Variants in GALNTL6 observed in about 807,000 individuals in gnomAD.
GALNTL6 encodes polypeptide N-acetylgalactosaminyltransferase like 6.
In GALNTL6, 46 loss-of-function variants were observed where a neutral mutation model predicts 73.7. The observed-to-expected ratio is 0.62, with a 90% CI of 0.49 to 0.80. GALNTL6 has a LOEUF of 0.80. Ranked by LOEUF, GALNTL6 falls within the 30% of genes least tolerant of loss-of-function variation. The pLI is 0.00. For synonymous variants in GALNTL6, 259 were observed against 263.7 expected, an observed-to-expected ratio of 0.98 and a Z score of 0.17; for missense variants, 604 against 755.0, an observed-to-expected ratio of 0.80 and a Z score of 2.34.
At chr4:172,992,107 A>G (rs903487167) in intron 10 of GALNTL6, among the ~76,000 whole-genome samples, 1 of 152,202 alleles carries the variant, frequency 6.6e-6, no homozygotes, top group South Asian at 2.1e-4. Context: ...TGCCAATAGC[A>G]TACAACTCCT....
At chr4:172,323,627 T>C (rs1228777028) in intron 4 of GALNTL6, among the ~76,000 whole-genome samples, 3 of 152,128 alleles carry the variant, frequency 2.0e-5, no homozygotes. Context: ...TCAGATCCTT[T>C]ATATCGATTT....
At chr4:172,964,439 G>A (rs992836530) in intron 10 of GALNTL6, among the ~76,000 whole-genome samples, 1 of 152,102 alleles carries the variant, frequency 6.6e-6, no homozygotes, top group African/African-American at 2.4e-5. Flanking sequence ...GTGCCAATCT[G>A]GGTACATCCA....
At chr4:172,958,246 C>G (rs570280044) in intron 10 of GALNTL6, among the ~76,000 whole-genome samples, 2 of 152,282 alleles carry the variant, frequency 1.3e-5, no homozygotes, top group South Asian at 4.1e-4. Context: ...AGCCGCTGCA[C>G]GCAGACTTGA....
chr4:172,342,461 T>C (rs1268805617), intron 4 of GALNTL6, among the ~76,000 whole-genome samples: 3 of 152,146 alleles, frequency 2.0e-5, no homozygotes, highest in Non-Finnish European at 4.4e-5. Context: ...ATTGTATCAC[T>C]TTTTTACCCA....
chr4:172,037,977 G>A (rs1006872663), intron 2 of GALNTL6, among the ~76,000 whole-genome samples: 2 of 152,136 alleles, frequency 1.3e-5, no homozygotes, highest in African/African-American at 2.4e-5. Flanking sequence ...AAATTAGCTG[G>A]GAGTGGTGGC....
intron 5 of GALNTL6, among the ~76,000 whole-genome samples, chr4:172,437,114 C>G (rs1451167397): frequency 6.6e-6 from 1 of 152,110 alleles, no homozygotes; most frequent in Admixed American, 6.6e-5. Flanking sequence ...CCTTTCCAGT[C>G]AATATAACTC....
chr4:172,117,444 TAAAAC>T (rs1733018199), intron 2 of GALNTL6, among the ~76,000 whole-genome samples: 1 of 152,200 alleles, frequency 6.6e-6, no homozygotes, highest in Non-Finnish European at 1.5e-5. Flanking sequence ...ATTTAATACT[TAAAAC>T]TAACTCTTCC....
At chr4:171,947,516 G>A (rs1007034073) in intron 2 of GALNTL6, among the ~76,000 whole-genome samples, 1 of 152,140 alleles carries the variant, frequency 6.6e-6, no homozygotes, top group African/African-American at 2.4e-5. Flanking sequence ...GGACTTGAAT[G>A]TTTTCACCAC....
intron 5 of GALNTL6, among the ~76,000 whole-genome samples, chr4:172,483,165 G>T (rs1263109887): frequency 6.6e-6 from 1 of 152,136 alleles, no homozygotes; most frequent in Non-Finnish European, 1.5e-5. Context: ...CTGGGGATTT[G>T]TGGGTTTTTT....
intron 2 of GALNTL6, among the ~76,000 whole-genome samples, chr4:172,174,998 A>G (rs141742481): frequency 0.015 from 2,242 of 152,314 alleles, 30 homozygotes; most frequent in Non-Finnish European, 0.022. Flanking sequence ...ATTTGCATAT[A>G]CTTAACATGC....
intron 8 of GALNTL6, among the ~76,000 whole-genome samples, chr4:172,919,869 T>A (rs537061893): frequency 2.6e-4 from 40 of 152,332 alleles, no homozygotes; most frequent in African/African-American, 9.6e-4. Context: ...AAGTTTTGAA[T>A]AAACATTAAG....
chr4:172,750,964 A>G (rs971709299), intron 5 of GALNTL6, among the ~76,000 whole-genome samples: 1 of 152,162 alleles, frequency 6.6e-6, no homozygotes, highest in Non-Finnish European at 1.5e-5. Flanking sequence ...TGTATCTCCA[A>G]AAAAGGAGTC....
In GALNTL6 at chr4:172,788,617, G is replaced by T. The variant is rs546200736; in HGVS notation, c.554-20744G>T. On this transcript the variant is annotated intron_variant, in intron 5 of 12. Coordinates refer to ENST00000506823, the MANE Select transcript of GALNTL6 (RefSeq NM_001034845.3). ...AAACCGGGAGGCGGAGCTTGCAGTG[G>T]GCCGATATCGCACCACTGCACTCCA... is the stretch of plus-strand genomic sequence containing the variant. Among the ~76,000 whole-genome samples, 73 of 149,154 alleles carry T rather than the reference G, an allele frequency of 4.9e-4. 1 individual carries two copies. The South Asian group carries it at 0.015, about 32-fold the overall frequency.
rs574282432 is a variant in GALNTL6, at chr4:172,222,778, A to G, written c.139-6878A>G. Among the ~76,000 whole-genome samples the G allele has an allele frequency of 8.5e-5, 13 of 152,106 alleles. No homozygotes were observed. The East Asian group carries it at 2.1e-3, about 25-fold the overall frequency. ...TCAGATACTGATATAAATACAAAGG[A>G]TAAATTTGCAAGTTCCAGGTCTTGG... On this transcript the variant is annotated intron_variant, in intron 2 of 12. Transcript: ENST00000506823.
At chr4:172,727,692 A>G (rs1020356793) in intron 5 of GALNTL6, among the ~76,000 whole-genome samples, 2 of 152,190 alleles carry the variant, frequency 1.3e-5, no homozygotes, top group Admixed American at 6.5e-5. Flanking sequence ...GAACAGAAGC[A>G]TATGCATGAA....
At chr4:172,776,549 T>C (rs1739084107) in intron 5 of GALNTL6, among the ~76,000 whole-genome samples, 1 of 152,226 alleles carries the variant, frequency 6.6e-6, no homozygotes. Flanking sequence ...TCTGACTCTC[T>C]ATACATTGTT....
intron 5 of GALNTL6, among the ~76,000 whole-genome samples, chr4:172,633,763 A>C (rs1057231504): frequency 6.6e-6 from 1 of 152,176 alleles, no homozygotes; most frequent in African/African-American, 2.4e-5. Context: ...AATTATCCCC[A>C]TGTGTCAAGG....
intron 2 of GALNTL6, among the ~76,000 whole-genome samples, chr4:172,138,639 C>G (rs183355109): frequency 0.015 from 2,193 of 143,714 alleles, 55 homozygotes; most frequent in African/African-American, 0.051. Flanking sequence ...ACGCCATTCT[C>G]CTGCCTCAGC....
chr4:172,417,463 G>A (rs919969240), intron 5 of GALNTL6, among the ~76,000 whole-genome samples: 1 of 151,892 alleles, frequency 6.6e-6, no homozygotes, highest in Admixed American at 6.6e-5. Context: ...CAGCCTGGCC[G>A]ACATGGCAAA....
Sources: gnomAD v4.1 joint callset for allele counts (sites outside exome capture counted in the v4.1 genomes callset) on GRCh38, gnomAD v4.1.1 for gene constraint, MANE v1.5 for transcripts, NCBI Gene and HGNC (gene_info 2026-07-23, HGNC 2026-07-21) for gene names.